MYH13: variants seen among roughly 807,000 people sequenced by gnomAD.
MYH13 encodes the protein myosin heavy chain 13, also known as myosin-13.
In MYH13, 177 loss-of-function variants were observed where a neutral mutation model predicts 232.1. That is an observed-to-expected ratio of 0.76 (90% CI 0.67 to 0.86). The LOEUF (loss-of-function observed/expected upper bound fraction) is 0.86, where lower values mean the gene tolerates loss of function less well. Ranked by LOEUF, MYH13 falls within the 40% of genes least tolerant of loss-of-function variation. MYH13 has a pLI of 0.00. For missense variants in MYH13, 2,246 were observed against 2,405.9 expected (o/e 0.93, Z 1.39); for synonymous variants, 884 against 923.5 (o/e 0.96, Z 0.78).
Position 10,340,182 on chromosome 17 carries a change from C to T in MYH13, c.2024G>A (p.Arg675Gln), listed in dbSNP as rs267604694. 6.2e-5 allele frequency: 100 copies of T among 1,613,772 alleles called. 1 individual carries two copies. In the South Asian group the frequency reaches 1.0e-3, roughly 16 times the overall value. The change falls in exon 18 of 41, where the codon CGA becomes CAA. Residue 675 changes from arginine (R) to glutamine (Q), a missense_variant. Transcript: ENST00000252172. ...CTTGGTCTCATTGGGAATCAGACAT[C>T]GTACAAAGTGAGGGTGGGTGCTCCT... ...NLRSTHPHFVRCLIPNETKTP... is the reference protein window; with the variant it reads ...NLRSTHPHFVQCLIPNETKTP...
intron 12 of MYH13, among the ~76,000 whole-genome samples, chr17:10,347,782 G>A (rs939013802): frequency 4.1e-5 from 6 of 145,856 alleles, no homozygotes; most frequent in African/African-American, 1.0e-4. Context: ...GCAGTGGCGC[G>A]ATCTCAGCTC....
At chr17:10,333,236 TG>T (rs1287214850) in intron 18 of MYH13, 45 bp from the exon 19 acceptor site, 1 of 1,353,368 alleles carries the variant, frequency 7.4e-7, no homozygotes, top group Non-Finnish European at 1.0e-6. Flanking sequence ...CCCCTTCATT[TG>T]TTGTTGATGG....
intron 7 of MYH13, 107 bp from the exon 8 acceptor site, chr17:10,357,934 C>T: frequency 3.3e-6 from 3 of 917,838 alleles, no homozygotes; most frequent in South Asian, 1.6e-5. Flanking sequence ...GTAGAGATGT[C>T]GACCAGCTCC....
intron 2 of MYH13, 119 bp from the exon 3 acceptor site, chr17:10,364,661 G>A (rs1018394395): frequency 9.8e-6 from 8 of 818,232 alleles, no homozygotes; most frequent in African/African-American, 3.4e-5. Flanking sequence ...TTGAACATAG[G>A]TCCTGAGGGA....
chr17:10,351,721 C>T (rs1301561943), intron 11 of MYH13, among the ~76,000 whole-genome samples: 4 of 152,098 alleles, frequency 2.6e-5, no homozygotes, highest in Non-Finnish European at 5.9e-5. Flanking sequence ...AGGGTCATTG[C>T]TGGTTTGGTT....
At chr17:10,316,880 T>C (rs1426116326) in intron 27 of MYH13, among the ~76,000 whole-genome samples, 1 of 152,130 alleles carries the variant, frequency 6.6e-6, no homozygotes, top group African/African-American at 2.4e-5. Flanking sequence ...TTCTTTAGAA[T>C]GGTAAGTATG....
chr17:10,364,030 C>T (rs1284557022), intron 3 of MYH13, among the ~76,000 whole-genome samples: 1 of 152,158 alleles, frequency 6.6e-6, no homozygotes, highest in African/African-American at 2.4e-5. Flanking sequence ...AATTGGTCGG[C>T]CCATCCAGTA....
intron 27 of MYH13, among the ~76,000 whole-genome samples, chr17:10,318,165 C>G (rs1033471519): frequency 1.3e-5 from 2 of 152,200 alleles, no homozygotes; most frequent in Admixed American, 6.5e-5. Context: ...TTGCTTGAAC[C>G]TGGGAGGTAG....
intron 21 of MYH13, among the ~76,000 whole-genome samples, chr17:10,329,860 C>T (rs1567663574): frequency 6.6e-6 from 1 of 152,060 alleles, no homozygotes; most frequent in South Asian, 2.1e-4. Flanking sequence ...AATAGCCGGG[C>T]GTGGTGGTGC....
At chr17:10,327,816 T>C in intron 22 of MYH13, 50 bp downstream of exon 22, 1 of 1,584,032 alleles carries the variant, frequency 6.3e-7, no homozygotes, top group Non-Finnish European at 8.5e-7. Flanking sequence ...CCTCCCCCTT[T>C]TCTGTCCTCC....
intron 23 of MYH13, 56 bp from the exon 24 acceptor site, chr17:10,321,764 T>G (rs948709968): frequency 2.7e-6 from 4 of 1,484,674 alleles, no homozygotes; most frequent in South Asian, 2.5e-5. Flanking sequence ...GAAGCTTCCA[T>G]CAACAAAAGC....
At chr17:10,339,566 G>A (rs2071605317) in intron 18 of MYH13, among the ~76,000 whole-genome samples, 1 of 152,192 alleles carries the variant, frequency 6.6e-6, no homozygotes, top group African/African-American at 2.4e-5. Context: ...TTTGCCAAAT[G>A]TAGTGGTATT....
chr17:10,334,232 G>A (rs1445193023), intron 18 of MYH13, among the ~76,000 whole-genome samples: 1 of 152,042 alleles, frequency 6.6e-6, no homozygotes, highest in Non-Finnish European at 1.5e-5. Context: ...GGAGTGGTGG[G>A]GCCAAGGCTG....
intron 22 of MYH13, 124 bp from the exon 23 acceptor site, chr17:10,324,388 G>A: frequency 1.8e-6 from 2 of 1,135,122 alleles, no homozygotes; most frequent in Non-Finnish European, 2.5e-6. Flanking sequence ...GCACACACAT[G>A]CACGCACATG....
intron 13 of MYH13, among the ~76,000 whole-genome samples, chr17:10,346,111 G>A (rs1477829758): frequency 6.6e-6 from 1 of 151,844 alleles, no homozygotes; most frequent in South Asian, 2.1e-4. Context: ...CCCAGCTCAT[G>A]TTGTTCACCT....
intron 2 of MYH13, among the ~76,000 whole-genome samples, chr17:10,370,497 T>A (rs1335199770): frequency 6.6e-6 from 1 of 152,182 alleles, no homozygotes; most frequent in African/African-American, 2.4e-5. Context: ...TCAACCACTC[T>A]GTTCCTGTCT....
intron 8 of MYH13, among the ~76,000 whole-genome samples, chr17:10,356,713 C>T (rs1024646759): frequency 6.6e-5 from 10 of 152,094 alleles, no homozygotes; most frequent in East Asian, 1.9e-4. Context: ...TTTCAGGCGA[C>T]GAAATACAAG....
At chr17:10,310,213 C>T (rs1234577325) in intron 33 of MYH13, among the ~76,000 whole-genome samples, 1 of 151,658 alleles carries the variant, frequency 6.6e-6, no homozygotes, top group East Asian at 1.9e-4. Flanking sequence ...GCCTCAGCCT[C>T]CCGAGTAGTT....
chr17:10,353,977 C>T (rs1207162076), intron 11 of MYH13, among the ~76,000 whole-genome samples: 1 of 140,542 alleles, frequency 7.1e-6, no homozygotes, highest in Non-Finnish European at 1.6e-5. Flanking sequence ...GGGAAAGACT[C>T]TGTCATTGAC....
Sources: gnomAD v4.1 joint callset for allele counts (sites outside exome capture counted in the v4.1 genomes callset) on GRCh38, gnomAD v4.1.1 for gene constraint, MANE v1.5 for transcripts, NCBI Gene and HGNC (gene_info 2026-07-23, HGNC 2026-07-21) for gene names.